TIMM22: variants seen among roughly 807,000 people sequenced by gnomAD.
TIMM22 encodes the protein translocase of inner mitochondrial membrane 22.
A neutral mutation model predicts 18.3 loss-of-function variants in TIMM22; 12 were observed. That is an observed-to-expected ratio of 0.65 (90% CI 0.42 to 1.06). The LOEUF (loss-of-function observed/expected upper bound fraction) is 1.06, where lower values mean the gene tolerates loss of function less well. Ranked by LOEUF, TIMM22 falls within the 50% of genes least tolerant of loss-of-function variation. The pLI is 0.00. For synonymous variants in TIMM22, 107 were observed against 98.5 expected (o/e 1.09, Z -0.51); for missense variants, 278 against 252.8 (o/e 1.10, Z -0.68).
Position 997,135 on chromosome 17 carries a change from C to T in TIMM22, c.-8C>T, listed in dbSNP as rs575152113. The T allele has an allele frequency of 2.4e-5, 39 of 1,607,852 alleles. No homozygotes were observed. In the South Asian group the frequency reaches 3.9e-4, roughly 16 times the overall value. ...AAGGACGCGAGGGTTGCTTGGGCAG[C>T]GACTGTCATGGCGGCGGCCGCCCCC... is the stretch of plus-strand genomic sequence containing the variant. On this transcript the variant is annotated 5_prime_UTR_variant, in exon 1 of 4. Coordinates refer to ENST00000327158, the MANE Select transcript of TIMM22 (RefSeq NM_013337.4).
In TIMM22 at chr17:1,001,173, T is replaced by TGAAGCAAGGCCCTGGTG; in HGVS notation, c.*85_*86insGAAGCAAGGCCCTGGTG. ...ACAGTTTCTGTACCACACCAGGGCC[T>TGAAGCAAGGCCCTGGTG]TGCTTCAGGGCCTGAAGACATTCAT... is the stretch of plus-strand genomic sequence containing the variant. On this transcript the variant is annotated 3_prime_UTR_variant, in exon 4 of 4. Transcript: ENST00000327158. The TGAAGCAAGGCCCTGGTG allele has an allele frequency of 7.0e-7, 1 of 1,427,428 alleles. No homozygotes were observed. The highest frequency in any genetic ancestry group is 9.9e-7 in the Non-Finnish European group (1 of 1,014,956). 88.4% of individuals were successfully genotyped at this position (1,427,428 alleles called of 1,614,324 possible).
intron 1 of TIMM22, 139 bp downstream of exon 1, chr17:997,519 G>C (rs976083211): frequency 1.2e-6 from 1 of 810,366 alleles, no homozygotes; most frequent in African/African-American, 1.7e-5. Flanking sequence ...TTCGTGAATC[G>C]GGCGTCACCT....
At chr17:999,348 T>C (rs879354556) in intron 2 of TIMM22, among the ~76,000 whole-genome samples, 164 bp from the exon 3 acceptor site, 18 of 135,246 alleles carry the variant, frequency 1.3e-4, no homozygotes, top group African/African-American at 5.3e-4. Flanking sequence ...TATATATATA[T>C]ATATATATAT....
At chr17:1,000,715 C>T (rs2069735615) in intron 3 of TIMM22, among the ~76,000 whole-genome samples, 1 of 152,222 alleles carries the variant, frequency 6.6e-6, no homozygotes, top group Admixed American at 6.5e-5. Context: ...AGGCCATATG[C>T]TTTCATTTGA....
chr17:1,000,841 G>A (rs1409742832), intron 3 of TIMM22, among the ~76,000 whole-genome samples, 171 bp from the exon 4 acceptor site: 1 of 152,218 alleles, frequency 6.6e-6, no homozygotes, highest in Non-Finnish European at 1.5e-5. Context: ...AAAGCGCACT[G>A]GATTAGATCA....
At chr17:999,462 T>C in intron 2 of TIMM22, 50 bp from the exon 3 acceptor site, 2 of 1,595,692 alleles carry the variant, frequency 1.3e-6, no homozygotes, top group South Asian at 1.1e-5. Flanking sequence ...TCCTTAATGG[T>C]CTGCCTTGGC....
intron 2 of TIMM22, among the ~76,000 whole-genome samples, 189 bp from the exon 3 acceptor site, chr17:999,323 C>CTATATATATATATATATATATA (rs57081954): frequency 5.2e-4 from 63 of 120,524 alleles, no homozygotes; most frequent in South Asian, 7.4e-4. Flanking sequence ...TGAACGCATA[C>CTATATATATATATATATATATA]TATATATATA....
chr17:999,388 C>T, intron 2 of TIMM22, 124 bp from the exon 3 acceptor site: 1 of 547,358 alleles, frequency 1.8e-6, no homozygotes, highest in East Asian at 3.3e-5. Flanking sequence ...ACTATATTTT[C>T]AAGAAAGATT....
At chr17:1,000,559 C>G (rs1465425636) in intron 3 of TIMM22, among the ~76,000 whole-genome samples, 1 of 152,142 alleles carries the variant, frequency 6.6e-6, no homozygotes, top group East Asian at 1.9e-4. Context: ...TTTTGCTCCT[C>G]AAGCACCATT....
chr17:998,701 G>T, intron 1 of TIMM22, 78 bp from the exon 2 acceptor site: 1 of 1,474,642 alleles, frequency 6.8e-7, no homozygotes, highest in Non-Finnish European at 9.2e-7. Context: ...CCAAAAGCAT[G>T]GTCCCTTCCA....
chr17:1,000,686 C>A (rs1198716475), intron 3 of TIMM22, among the ~76,000 whole-genome samples: 3 of 152,196 alleles, frequency 2.0e-5, no homozygotes, highest in African/African-American at 7.2e-5. Flanking sequence ...GAATGTATTC[C>A]ATAAACAAAT....
rs59329011 is a variant in TIMM22 at position 1,000,329 on chromosome 17, C to CA, written c.509-666dup. On this transcript the variant is annotated intron_variant, in intron 3 of 3. Transcript: ENST00000327158. ...TCTAGAAATATTAGATTATCAGCTG[C>CA]AAAAAAAAAAAAAAAAAGAAAACCA... Among the ~76,000 whole-genome samples, 109 of 137,728 alleles carry CA rather than the reference C, an allele frequency of 7.9e-4. 1 individual carries two copies. The highest frequency in any genetic ancestry group is 3.3e-3 in the East Asian group (16 of 4,824). The allele number at this position is 137,728 out of a possible 152,430, so 90.4% of individuals were successfully genotyped here.
At position 997,328 on chromosome 17, in the gene TIMM22, C is replaced by T; in HGVS notation, c.186C>T (p.Ile62=). The T allele has an allele frequency of 6.2e-7, 1 of 1,613,806 alleles. No homozygotes were observed. The highest frequency in any genetic ancestry group is 2.2e-5 in the East Asian group (1 of 44,862). The change falls in exon 1 of 4, where the codon ATC becomes ATT. Residue 62 remains isoleucine (I), a synonymous_variant. Coordinates refer to ENST00000327158, the MANE Select transcript of TIMM22 (RefSeq NM_013337.4). ...SPAKSEEQKM[I]EKAMESCAFK... ...CCAAGAGTGAGGAGCAGAAGATGAT[C>T]GAGAAGGCGATGGAAAGCTGCGCTT...
rs1403155379 is a variant in TIMM22, at chr17:1,003,625, C to CA, written c.*2544dup. 4.6e-5 allele frequency: 7 copies of CA among 152,516 alleles called. No individual in the cohort carries two copies. In the East Asian group the frequency reaches 5.8e-4, roughly 13 times the overall value. 9.4% of individuals were successfully genotyped at this position (152,516 alleles called of 1,614,324 possible). A position where few individuals can be genotyped will look rare whatever the true frequency, so the allele number is the denominator to read the frequency against. On this transcript the variant is annotated 3_prime_UTR_variant, in exon 4 of 4. Transcript: ENST00000327158. ...TACATAAGTTGAAACAGAACATAGACAAAAAAATATATCCTTACCAACTTA... is the reference window on the plus strand; with the variant it reads ...TACATAAGTTGAAACAGAACATAGACAAAAAAAATATATCCTTACCAACTTA...
At chr17:999,456 T>C (rs1259527195) in intron 2 of TIMM22, 56 bp from the exon 3 acceptor site, 4 of 1,590,414 alleles carry the variant, frequency 2.5e-6, no homozygotes, top group Non-Finnish European at 3.4e-6. Flanking sequence ...TATTCCTCCT[T>C]AATGGTCTGC....
rs200438742 is a variant in TIMM22 at position 1,001,084 on chromosome 17, G to A, written c.581G>A (p.Arg194Gln). The change falls in exon 4 of 4, where the codon CGG (arginine) becomes CAG (glutamine). Residue 194 changes from arginine (R) to glutamine (Q), a missense_variant. By Grantham distance (43) the Arg-to-Gln change is conservative. Transcript: ENST00000327158. ...TCTGCTGCGATTGATTATTACCTCC[G>A]GTGAGAGTAATTGCCTGCAGGGAAG... is the stretch of plus-strand genomic sequence containing the variant. Reference protein sequence around the residue: ...AFSAAIDYYLR With the variant: ...AFSAAIDYYLQ 3.3e-5 allele frequency: 53 copies of A among 1,613,670 alleles called. No individual in the cohort carries two copies. The highest frequency in any genetic ancestry group is 4.5e-5 in the East Asian group (2 of 44,866).
In TIMM22 at chr17:997,229, G is replaced by T; in HGVS notation, c.87G>T (p.Leu29=). The change falls in exon 1 of 4, where the codon CTG becomes CTT. Residue 29 remains leucine (L), a synonymous_variant. Coordinates refer to ENST00000327158, the MANE Select transcript of TIMM22 (RefSeq NM_013337.4). ...CTCCGCTGCAGTACAGCCTGCTCCT[G>T]CAGTACCTGGTGGGTGACAAGCGTC... ...AEAPLQYSLL[L]QYLVGDKRQP... is the part of the protein sequence containing the mutation. 2.5e-6 allele frequency: 4 copies of T among 1,613,302 alleles called. No individual in the cohort carries two copies. Among genetic ancestry groups the T allele is most frequent in the Non-Finnish European group, 3.4e-6 (4 of 1,179,940 alleles).
intron 3 of TIMM22, among the ~76,000 whole-genome samples, chr17:1,000,557 C>T (rs1384588532): frequency 6.6e-6 from 1 of 152,144 alleles, no homozygotes; most frequent in Non-Finnish European, 1.5e-5. Flanking sequence ...GGTTTTGCTC[C>T]TCAAGCACCA....
rs1428690258 is a variant in TIMM22, at chr17:997,296, A to C, written c.154A>C (p.Ser52Arg). 1 of 1,613,724 alleles carries C rather than the reference A, an allele frequency of 6.2e-7. No individual in the cohort carries two copies. The highest frequency in any genetic ancestry group is 1.3e-5 in the African/African-American group (1 of 74,940). ...GCCTGGGAGCCTGGGCGGGATCCCA[A>C]GTCCAGCCAAGAGTGAGGAGCAGAA... is the stretch of plus-strand genomic sequence containing the variant. ...LEPGSLGGIP[S>R]PAKSEEQKMI... The change falls in exon 1 of 4, where the codon AGT becomes CGT. Residue 52 changes from serine (S) to arginine (R), a missense_variant. Transcript: ENST00000327158.
Sources: gnomAD v4.1 joint callset for allele counts (sites outside exome capture counted in the v4.1 genomes callset) on GRCh38, gnomAD v4.1.1 for gene constraint, MANE v1.5 for transcripts, NCBI Gene and HGNC (gene_info 2026-07-23, HGNC 2026-07-21) for gene names.